Variants in ATP2C1 observed in about 807,000 individuals in gnomAD.
ATP2C1 encodes calcium-transporting ATPase type 2C member 1.
A neutral mutation model predicts 120.5 loss-of-function variants in ATP2C1; 31 were observed. The ratio of observed to expected loss-of-function variants is 0.26; its 90% CI spans 0.19 to 0.35. The LOEUF (loss-of-function observed/expected upper bound fraction) is 0.35, where lower values mean the gene tolerates loss of function less well. Among genes scored for constraint, ATP2C1 ranks in the 10% least tolerant of loss-of-function variants. The pLI, the probability that ATP2C1 is intolerant of heterozygous loss-of-function variation, is 1.00. For missense variants in ATP2C1, 731 were observed against 1,107.5 expected (o/e 0.66, Z 4.83); for synonymous variants, 351 against 358.7 (o/e 0.98, Z 0.24).
intron 1 of ATP2C1, among the ~76,000 whole-genome samples, chr3:130,878,353 T>C (rs1046681828): frequency 7.9e-5 from 12 of 152,212 alleles, no homozygotes; most frequent in African/African-American, 2.9e-4. Context: ...TTCTGTCATT[T>C]TGTTAATTGT....
intron 2 of ATP2C1, among the ~76,000 whole-genome samples, chr3:130,922,393 AT>A (rs931730082): frequency 1.3e-5 from 2 of 148,892 alleles, no homozygotes; most frequent in Admixed American, 1.3e-4. Flanking sequence ...GATTTTGTTT[AT>A]TTTTTTTTAA....
intron 1 of ATP2C1, among the ~76,000 whole-genome samples, chr3:130,879,763 G>T (rs1326178906): frequency 2.0e-5 from 3 of 152,088 alleles, no homozygotes; most frequent in East Asian, 1.9e-4. Flanking sequence ...TTCATTCTGG[G>T]TGGGTGCGAT....
In ATP2C1 at chr3:130,853,858, C is replaced by G. The variant is rs373632791; in HGVS notation, c.108+2930C>G. Among the ~76,000 whole-genome samples the G allele has an allele frequency of 5.3e-5, 8 of 152,286 alleles. No homozygotes were observed. The South Asian group carries it at 1.2e-3, about 24-fold the overall frequency. On this transcript the variant is annotated intron_variant, in intron 1 of 26. Transcript: ENST00000504381. Reference sequence around the variant, plus strand: ...ACTGGTGTAAAGGTGACCCACACAACAGGCAGAGGGTACACACTGGATTGA... The same window carrying G: ...ACTGGTGTAAAGGTGACCCACACAAGAGGCAGAGGGTACACACTGGATTGA...
chr3:130,955,988 A>G, intron 10 of ATP2C1, 116 bp from the exon 11 acceptor site: 1 of 736,758 alleles, frequency 1.4e-6, no homozygotes, highest in South Asian at 1.4e-5. Context: ...ACCTTATGGG[A>G]GAGTTGTATG....
intron 6 of ATP2C1, 37 bp downstream of exon 6, chr3:130,937,500 T>C: frequency 6.4e-7 from 1 of 1,572,018 alleles, no homozygotes; most frequent in Non-Finnish European, 8.8e-7. Context: ...AAATGGTATG[T>C]TAATTGCTTA....
At chr3:130,965,732 C>T (rs1401438148) in intron 14 of ATP2C1, among the ~76,000 whole-genome samples, 2 of 152,000 alleles carry the variant, frequency 1.3e-5, no homozygotes, top group East Asian at 1.9e-4. Flanking sequence ...ACCTTAATTC[C>T]AACCCACTTC....
intron 18 of ATP2C1, 145 bp downstream of exon 18, chr3:130,975,633 G>A (rs753007794): frequency 2.3e-5 from 22 of 976,126 alleles, no homozygotes; most frequent in Non-Finnish European, 3.3e-5. Flanking sequence ...TTAAGTTTTA[G>A]TTGGTTAATT....
chr3:130,949,862 C>T (rs528335976), intron 8 of ATP2C1, among the ~76,000 whole-genome samples: 1 of 152,036 alleles, frequency 6.6e-6, no homozygotes, highest in Non-Finnish European at 1.5e-5. Context: ...GAAATTTTAT[C>T]ATGATCAGGC....
chr3:130,916,733 C>G (rs1403166736), intron 2 of ATP2C1, among the ~76,000 whole-genome samples: 36 of 151,878 alleles, frequency 2.4e-4, no homozygotes, highest in Admixed American at 2.4e-3. Flanking sequence ...TCTCCTTTTT[C>G]TTTTTTTATT....
At chr3:130,947,196 C>T (rs560507447) in intron 8 of ATP2C1, among the ~76,000 whole-genome samples, 14 of 152,172 alleles carry the variant, frequency 9.2e-5, no homozygotes, top group African/African-American at 2.6e-4. Flanking sequence ...CCTGAGATTA[C>T]GCATACTTAA....
downstream of ATP2C1, chr3:131,003,287 A>C (rs1274910984): frequency 2.0e-6 from 1 of 507,500 alleles, no homozygotes; most frequent in Non-Finnish European, 2.5e-6. Context: ...TTGAATGTAC[A>C]GTACAGATCC....
At chr3:130,925,088 G>A (rs1006776669) in intron 2 of ATP2C1, among the ~76,000 whole-genome samples, 6 of 152,086 alleles carry the variant, frequency 3.9e-5, no homozygotes, top group Admixed American at 2.0e-4. Context: ...CAGAGAGTTC[G>A]TCTTTGTTCG....
intron 26 of ATP2C1, chr3:131,016,019 T>A: frequency 8.2e-7 from 1 of 1,220,066 alleles, no homozygotes; most frequent in Middle Eastern, 1.9e-4. Flanking sequence ...TCAATTACAT[T>A]AAGATTAGTT....
intron 2 of ATP2C1, among the ~76,000 whole-genome samples, chr3:130,897,661 T>G (rs2069750982): frequency 6.6e-6 from 1 of 152,192 alleles, no homozygotes; most frequent in African/African-American, 2.4e-5. Flanking sequence ...CATGTGTTGG[T>G]TCCTTCAGCA....
chr3:130,993,170 T>C (rs1022555600), intron 21 of ATP2C1, among the ~76,000 whole-genome samples, 169 bp downstream of exon 21: 1 of 152,186 alleles, frequency 6.6e-6, no homozygotes, highest in African/African-American at 2.4e-5. Flanking sequence ...ATAGAGAATT[T>C]AGTTGGCATA....
chr3:130,882,415 G>C (rs376034009), intron 1 of ATP2C1, among the ~76,000 whole-genome samples: 11 of 152,198 alleles, frequency 7.2e-5, no homozygotes, highest in Non-Finnish European at 1.3e-4. Context: ...TGGCCAGGCT[G>C]ATCTCAAACT....
At chr3:130,963,891 C>T in intron 12 of ATP2C1, 80 bp from the exon 13 acceptor site, 1 of 1,579,262 alleles carries the variant, frequency 6.3e-7, no homozygotes, top group South Asian at 1.1e-5. Flanking sequence ...TTTTATTAAG[C>T]TTTAAGTAAC....
chr3:130,975,416 T>G lies in ATP2C1; in HGVS notation c.1498T>G (p.Leu500Val). 1 of 1,613,916 alleles carries G rather than the reference T, an allele frequency of 6.2e-7. No homozygotes were observed. Among genetic ancestry groups the G allele is most frequent in the Non-Finnish European group, 8.5e-7 (1 of 1,179,886 alleles). ...CTTYQSKGQT[L>V]TLTQQQRDVY... ...TACATACCAGAGCAAAGGGCAGACC[T>G]TGACACTTACTCAGCAGCAGAGAGA... The change falls in exon 18 of 28, where the codon TTG becomes GTG. Residue 500 changes from leucine (L) to valine (V), a missense_variant. Leu to Val is a conservative substitution (Grantham distance 32). Transcript: ENST00000510168.
Position 130,972,672 on chromosome 3 carries a change from T to A in ATP2C1, c.1414-2660T>A, listed in dbSNP as rs576197639. ...AGAGTGTTCTTCCTGTGTCCATGTGTTCTCATTGTTCACTTCTCATCTATG... is the reference window on the plus strand; with the variant it reads ...AGAGTGTTCTTCCTGTGTCCATGTGATCTCATTGTTCACTTCTCATCTATG... On this transcript the variant is annotated intron_variant, in intron 17 of 27. Transcript: ENST00000510168. 8.8e-4 allele frequency among the ~76,000 whole-genome samples: 119 copies of A among 134,498 alleles called. 3 individuals are homozygous for A. The South Asian group carries it at 0.014, about 16-fold the overall frequency. The allele number at this position is 134,498 out of a possible 152,430, so 88.2% of individuals were successfully genotyped here.
Sources: allele counts gnomAD v4.1 joint callset (sites outside exome capture counted in the v4.1 genomes callset), GRCh38; gene constraint gnomAD v4.1.1; transcripts MANE v1.5; gene names NCBI Gene and HGNC (gene_info 2026-07-23, HGNC 2026-07-21).